The following SDHC variants were observed in gnomAD, a reference collection of about 807,000 sequenced individuals.
The protein encoded by SDHC is succinate dehydrogenase complex subunit C.
A neutral mutation model predicts 22.6 loss-of-function variants in SDHC; 11 were observed. That is an observed-to-expected ratio of 0.49 (90% CI 0.31 to 0.81). The LOEUF (loss-of-function observed/expected upper bound fraction) is 0.81, where lower values mean the gene tolerates loss of function less well. Among genes scored for constraint, SDHC ranks in the 30% least tolerant of loss-of-function variants. The probability of loss-of-function intolerance (pLI) is 0.05; values close to 1 mark genes in which losing one functional copy is unlikely to be tolerated. For missense variants in SDHC, 160 were observed against 212.0 expected (o/e 0.75, Z 1.52); for synonymous variants, 80 against 77.8 (o/e 1.03, Z -0.15).
At chr1:161,357,525 G>A (rs1293020822) in intron 5 of SDHC, among the ~76,000 whole-genome samples, 7 of 151,632 alleles carry the variant, frequency 4.6e-5, no homozygotes, top group African/African-American at 1.7e-4. Flanking sequence ...CCAACCTCCC[G>A]AGCAGCTGGG....
intron 4 of SDHC, among the ~76,000 whole-genome samples, chr1:161,348,179 T>G (rs1671967296): frequency 6.6e-6 from 1 of 151,976 alleles, no homozygotes; most frequent in Non-Finnish European, 1.5e-5. Flanking sequence ...TTTTTTGAGA[T>G]GGAGTCTTGC....
intron 5 of SDHC, among the ~76,000 whole-genome samples, chr1:161,358,032 C>CTTTTT (rs34253350): frequency 1.9e-5 from 2 of 104,836 alleles, no homozygotes; most frequent in Non-Finnish European, 3.8e-5. Context: ...GGTTAGGAAT[C>CTTTTT]TTTTTTTTTT....
intron 5 of SDHC, among the ~76,000 whole-genome samples, chr1:161,360,959 A>AAAAAC (rs1188959923): frequency 6.6e-6 from 1 of 152,060 alleles, no homozygotes; most frequent in African/African-American, 2.4e-5. Context: ...CTAAAAATAC[A>AAAAAC]AAAATTAGCT....
intron 1 of SDHC, among the ~76,000 whole-genome samples, chr1:161,317,750 G>A (rs1211518796): frequency 6.6e-6 from 1 of 150,592 alleles, no homozygotes; most frequent in African/African-American, 2.5e-5. Flanking sequence ...TAGTAGAGAC[G>A]GGGTTTCACC....
intron 1 of SDHC, among the ~76,000 whole-genome samples, chr1:161,318,138 C>G (rs1670696136): frequency 6.6e-6 from 1 of 151,530 alleles, no homozygotes; most frequent in Non-Finnish European, 1.5e-5. Flanking sequence ...TGCCACTGCA[C>G]TGCAGCCTGG....
At chr1:161,355,984 C>CAAAAAAA (rs60684612) in intron 4 of SDHC, among the ~76,000 whole-genome samples, 3 of 88,370 alleles carry the variant, frequency 3.4e-5, no homozygotes, top group Admixed American at 1.4e-4. Context: ...GACTCTGTCT[C>CAAAAAAA]AAAAAAAAAA....
intron 3 of SDHC, among the ~76,000 whole-genome samples, chr1:161,339,229 C>T (rs1671612563): frequency 6.6e-6 from 1 of 152,132 alleles, no homozygotes; most frequent in Non-Finnish European, 1.5e-5. Context: ...CCAACCCGGG[C>T]TGGAGTACAG....
At chr1:161,314,754 G>A in intron 1 of SDHC, 1 of 398,070 alleles carries the variant, frequency 2.5e-6, no homozygotes, top group Non-Finnish European at 4.6e-6. Flanking sequence ...ATAACTTCAA[G>A]GTCAGCCACC....
At chr1:161,353,542 A>G (rs1281126435) in intron 4 of SDHC, among the ~76,000 whole-genome samples, 1 of 152,162 alleles carries the variant, frequency 6.6e-6, no homozygotes, top group African/African-American at 2.4e-5. Context: ...AAACTGTTTG[A>G]GTTCAGGTTT....
At chr1:161,353,114 C>T (rs1157330034) in intron 4 of SDHC, among the ~76,000 whole-genome samples, 1 of 152,124 alleles carries the variant, frequency 6.6e-6, no homozygotes, top group Non-Finnish European at 1.5e-5. Flanking sequence ...CTGTATTATT[C>T]ATAGGAAAAC....
chr1:161,331,487 G>T (rs921164202), intron 3 of SDHC, among the ~76,000 whole-genome samples: 1 of 151,878 alleles, frequency 6.6e-6, no homozygotes, highest in African/African-American at 2.4e-5. Context: ...AAACCATGTT[G>T]CCCAGGCTGG....
At chr1:161,321,104 C>T (rs540452263) in intron 1 of SDHC, among the ~76,000 whole-genome samples, 12 of 152,290 alleles carry the variant, frequency 7.9e-5, no homozygotes, top group Non-Finnish European at 1.3e-4. Flanking sequence ...GGATTACAGG[C>T]GTGAGCCATC....
At chr1:161,323,006 A>AT (rs985710196) in intron 1 of SDHC, among the ~76,000 whole-genome samples, 21 of 145,918 alleles carry the variant, frequency 1.4e-4, no homozygotes, top group Non-Finnish European at 2.4e-4. Context: ...CCTAGCTTTT[A>AT]TTTTTTTTTT....
chr1:161,339,514 C>CTCCTTG, intron 3 of SDHC: 2 of 1,094,130 alleles, frequency 1.8e-6, no homozygotes, highest in Non-Finnish European at 2.4e-6. Context: ...ACCCATGTTT[C>CTCCTTG]TCCTTGCGAA....
At chr1:161,322,947 T>G (rs1413381263) in intron 1 of SDHC, among the ~76,000 whole-genome samples, 3 of 152,192 alleles carry the variant, frequency 2.0e-5, no homozygotes, top group African/African-American at 7.2e-5. Context: ...TATTCTGTTT[T>G]TTTGTTTGTT....
At chr1:161,324,732 A>T (rs755875423) in intron 2 of SDHC, among the ~76,000 whole-genome samples, 1 of 152,224 alleles carries the variant, frequency 6.6e-6, no homozygotes, top group Non-Finnish European at 1.5e-5. Flanking sequence ...AATTGTGAAC[A>T]TCATGACCAT....
At chr1:161,347,201 C>CA (rs1232694310) in intron 4 of SDHC, among the ~76,000 whole-genome samples, 2 of 152,106 alleles carry the variant, frequency 1.3e-5, no homozygotes, top group Admixed American at 1.3e-4. Context: ...TATGGAAAGG[C>CA]ATAGGGATTG....
intron 1 of SDHC, among the ~76,000 whole-genome samples, chr1:161,320,578 AT>A (rs1292203071): frequency 6.6e-6 from 1 of 152,038 alleles, no homozygotes; most frequent in African/African-American, 2.4e-5. Flanking sequence ...GTGGATGAGT[AT>A]TTTTGTCACC....
At chr1:161,362,111 T>G (rs1375800374) in intron 5 of SDHC, among the ~76,000 whole-genome samples, 3 of 152,118 alleles carry the variant, frequency 2.0e-5, no homozygotes. Flanking sequence ...CACCACACAA[T>G]AGAACCTGAT....
Sources: gnomAD v4.1 joint callset for allele counts (sites outside exome capture counted in the v4.1 genomes callset) on GRCh38, gnomAD v4.1.1 for gene constraint, MANE v1.5 for transcripts, NCBI Gene and HGNC (gene_info 2026-07-23, HGNC 2026-07-21) for gene names.